ZC2HC1B: variants seen among roughly 807,000 people sequenced by gnomAD.
ZC2HC1B encodes the protein zinc finger C2HC-type containing 1B.
A neutral mutation model predicts 31.0 loss-of-function variants in ZC2HC1B; 36 were observed. The ratio of observed to expected loss-of-function variants is 1.16; its 90% CI spans 0.89 to 1.54. The LOEUF is 1.54. Ranked by LOEUF, ZC2HC1B falls within the 40% of genes most tolerant of loss-of-function variation. The probability of loss-of-function intolerance (pLI) is 0.00; values close to 1 mark genes in which losing one functional copy is unlikely to be tolerated. For synonymous variants in ZC2HC1B, 73 were observed against 88.0 expected, an observed-to-expected ratio of 0.83 and a Z score of 0.95; for missense variants, 260 against 268.6, an observed-to-expected ratio of 0.97 and a Z score of 0.22.
At chr6:143,910,939 G>GAT (rs1777848379) in intron 6 of ZC2HC1B, among the ~76,000 whole-genome samples, 1 of 152,074 alleles carries the variant, frequency 6.6e-6, no homozygotes, top group Non-Finnish European at 1.5e-5. Context: ...TTTTTGTGGA[G>GAT]ATGGGGTTTA....
At chr6:143,876,692 T>C (rs1337282027) in intron 1 of ZC2HC1B, among the ~76,000 whole-genome samples, 2 of 150,506 alleles carry the variant, frequency 1.3e-5, no homozygotes, top group Non-Finnish European at 1.5e-5. Context: ...GGTCCCACAA[T>C]AGGCCATCTG....
At chr6:143,876,256 GTCCCCTGAAC>G (rs1288793087) in intron 1 of ZC2HC1B, among the ~76,000 whole-genome samples, 2 of 150,326 alleles carry the variant, frequency 1.3e-5, no homozygotes, top group Admixed American at 6.6e-5. Flanking sequence ...TCATTACTCT[GTCCCCTGAAC>G]TTAGGAGCAA....
At chr6:143,937,779 A>C in intron 7 of ZC2HC1B, 46 bp downstream of exon 7, 1 of 1,425,138 alleles carries the variant, frequency 7.0e-7, no homozygotes, top group Non-Finnish European at 9.5e-7. Context: ...CTGACCAGTT[A>C]ATGACTTTTA....
intron 6 of ZC2HC1B, among the ~76,000 whole-genome samples, chr6:143,904,254 A>G (rs1777769313): frequency 6.6e-6 from 1 of 152,150 alleles, no homozygotes; most frequent in African/African-American, 2.4e-5. Context: ...ACTTTTAGGA[A>G]TTCTCTATGT....
intron 1 of ZC2HC1B, among the ~76,000 whole-genome samples, chr6:143,876,320 A>G (rs1473363712): frequency 2.7e-5 from 4 of 150,568 alleles, no homozygotes; most frequent in African/African-American, 9.8e-5. Context: ...CATGTGGTCA[A>G]AGGTATTATG....
chr6:143,901,449 G>A (rs558326768), intron 5 of ZC2HC1B, among the ~76,000 whole-genome samples: 3 of 150,752 alleles, frequency 2.0e-5, no homozygotes, highest in East Asian at 2.0e-4. Context: ...TAGTAGAGAC[G>A]AGGTTTCACC....
chr6:143,889,543 T>C (rs892274078), intron 4 of ZC2HC1B, among the ~76,000 whole-genome samples: 5 of 152,094 alleles, frequency 3.3e-5, no homozygotes, highest in African/African-American at 9.6e-5. Flanking sequence ...TGTATTAATA[T>C]AGCACAAAGT....
chr6:143,935,674 T>TTTGTG, intron 6 of ZC2HC1B, among the ~76,000 whole-genome samples: 1 of 120,622 alleles, frequency 8.3e-6, no homozygotes, highest in Non-Finnish European at 1.7e-5. Flanking sequence ...TTTTTTTTTT[T>TTTGTG]GAGACAGGAT....
Position 143,905,202 on chromosome 6 carries a change from G to A in ZC2HC1B, c.598+2050G>A, listed in dbSNP as rs1380596073. 6.6e-6 allele frequency among the ~76,000 whole-genome samples: 1 copy of A among 152,144 alleles called. No individual in the cohort carries two copies. Among genetic ancestry groups the A allele is most frequent in the Non-Finnish European group, 1.5e-5 (1 of 68,034 alleles). On this transcript the variant is annotated intron_variant, in intron 6 of 7. Coordinates refer to ENST00000237275, the MANE Select transcript of ZC2HC1B (RefSeq NM_001013623.3). This position sits in a 1 kb window ranked among gnomAD's most constrained non-coding sequence, Gnocchi z 4.2. The stretch of plus-strand genomic sequence containing the variant: ...AGTAAGTTTTCAAATCCATGAACAT[G>A]GAATATATTTCTGTTTATTTATGTC...
At chr6:143,920,311 T>A (rs919612839) in intron 6 of ZC2HC1B, among the ~76,000 whole-genome samples, 10 of 152,072 alleles carry the variant, frequency 6.6e-5, no homozygotes, top group African/African-American at 2.4e-4. Flanking sequence ...TGGAAAGAGA[T>A]CGTGAATGGG....
At position 143,918,530 on chromosome 6, in the gene ZC2HC1B, T is replaced by A. The variant is rs908542292; in HGVS notation, c.598+15378T>A. On this transcript the variant is annotated intron_variant, in intron 6 of 7. Transcript: ENST00000237275. The surrounding 1 kb of genome is among the most constrained non-coding windows in gnomAD (Gnocchi z 4.1). ...TTTGAAAGTTTGATTATAATGTGTC[T>A]CAGTGTTGGTCTCTTTGAGTTTGTC... 6.6e-6 allele frequency among the ~76,000 whole-genome samples: 1 copy of A among 152,212 alleles called. No individual in the cohort carries two copies. Among genetic ancestry groups the A allele is most frequent in the Non-Finnish European group, 1.5e-5 (1 of 68,046 alleles).
chr6:143,898,177 C>T (rs1171429013), intron 4 of ZC2HC1B, among the ~76,000 whole-genome samples: 3 of 152,152 alleles, frequency 2.0e-5, no homozygotes, highest in Non-Finnish European at 2.9e-5. Flanking sequence ...TCATTACTTA[C>T]ATATTTATTT....
At chr6:143,894,260 T>C (rs369527086) in intron 4 of ZC2HC1B, among the ~76,000 whole-genome samples, 1 of 152,208 alleles carries the variant, frequency 6.6e-6, no homozygotes, top group Non-Finnish European at 1.5e-5. Flanking sequence ...TATGAAATTA[T>C]AGGACAGGGA....
intron 4 of ZC2HC1B, among the ~76,000 whole-genome samples, chr6:143,897,020 G>A (rs1777673733): frequency 6.6e-6 from 1 of 152,058 alleles, no homozygotes; most frequent in African/African-American, 2.4e-5. Context: ...TCTGGATGGA[G>A]TAAGAAATAA....
At chr6:143,904,806 G>A (rs1692583432) in intron 6 of ZC2HC1B, among the ~76,000 whole-genome samples, 2 of 152,150 alleles carry the variant, frequency 1.3e-5, no homozygotes, top group Non-Finnish European at 2.9e-5. Flanking sequence ...TAAGAGTCCA[G>A]CTTCATTCTT....
At chr6:143,878,909 T>C (rs1777437253) in intron 1 of ZC2HC1B, among the ~76,000 whole-genome samples, 1 of 152,192 alleles carries the variant, frequency 6.6e-6, no homozygotes, top group Admixed American at 6.5e-5. Context: ...ACATGCCTTA[T>C]ATTGACTAAT....
rs549200675 is a variant in ZC2HC1B, at chr6:143,905,356, G to T, written c.598+2204G>T. Among the ~76,000 whole-genome samples, 235 of 151,902 alleles carry T rather than the reference G, an allele frequency of 1.5e-3. 2 individuals carry two copies. Among genetic ancestry groups the T allele is most frequent in the Admixed American group, 1.7e-3 (26 of 15,262 alleles). On this transcript the variant is annotated intron_variant, in intron 6 of 7. Coordinates refer to ENST00000237275, the MANE Select transcript of ZC2HC1B (RefSeq NM_001013623.3). This position sits in a 1 kb window ranked among gnomAD's most constrained non-coding sequence, Gnocchi z 4.2. ...TGTAGTTGTCTTCATAATTTTTTTT[G>T]ATTGTTCATTGTCAGTATATAGAAA... is the stretch of plus-strand genomic sequence containing the variant.
intron 6 of ZC2HC1B, among the ~76,000 whole-genome samples, chr6:143,919,217 CTGTGTGTGTGTGTGTGTGTGTG>C (rs71024878): frequency 7.4e-4 from 92 of 123,694 alleles, no homozygotes; most frequent in South Asian, 6.6e-3. Flanking sequence ...TTGCTATTCT[CTGTGTGTGTGTGTGTGTGTGTG>C]TGTGTGTGTG....
rs978158278 is a variant in ZC2HC1B, at chr6:143,886,749, G to T, written c.277G>T (p.Ala93Ser). The T allele has an allele frequency of 6.5e-7, 1 of 1,549,616 alleles. No individual in the cohort carries two copies. The highest frequency in any genetic ancestry group is 1.4e-5 in the African/African-American group (1 of 72,822). Residue 93 changes from alanine to serine, a missense_variant, in exon 4 of 8, where the codon GCA becomes TCA. Physicochemically the swap from Ala to Ser is moderately conservative, Grantham distance 99. Transcript: ENST00000237275. The surrounding 1 kb of genome is among the most constrained non-coding windows in gnomAD (Gnocchi z 4.2). The part of the protein sequence containing the change: ...HEDFINAIRS[A>S]KQCMLAIKEG... ...AGACTTTATTAATGCAATCCGATCA[G>T]CAAAGCAGTGTATGCTAGCCATTAA...
Sources: allele counts gnomAD v4.1 joint callset (sites outside exome capture counted in the v4.1 genomes callset), GRCh38; gene constraint gnomAD v4.1.1; non-coding constraint Gnocchi (gnomAD v3.1); transcripts MANE v1.5; gene names NCBI Gene and HGNC (gene_info 2026-07-23, HGNC 2026-07-21).